Variants in DSCAML1 observed in about 807,000 individuals in gnomAD.
The protein encoded by DSCAML1 is cell adhesion molecule DSCAML1.
In DSCAML1, 38 loss-of-function variants were observed where a neutral mutation model predicts 200.5. That is an observed-to-expected ratio of 0.19 (90% CI 0.15 to 0.25). The LOEUF is 0.25. Among genes scored for constraint, DSCAML1 ranks in the 10% least tolerant of loss-of-function variants. The pLI is 1.00. For missense variants in DSCAML1, 2,223 were observed against 2,858.8 expected (o/e 0.78, Z 5.07); for synonymous variants, 1,215 against 1,165.0 (o/e 1.04, Z -0.87).
intron 11 of DSCAML1, among the ~76,000 whole-genome samples, chr11:117,486,168 G>A (rs2049045175): frequency 6.6e-6 from 1 of 152,200 alleles, no homozygotes; most frequent in Non-Finnish European, 1.5e-5. Flanking sequence ...CAGCGCAAGT[G>A]AATGCAATCA....
In DSCAML1 at chr11:117,530,715, T is replaced by C. The variant is rs1318690241; in HGVS notation, c.658+1661A>G. On this transcript the variant is annotated intron_variant, in intron 4 of 32. Transcript: ENST00000651296. The stretch of plus-strand genomic sequence containing the variant: ...TGGAAGTGGTCCTGGAGAGAGTCTC[T>C]GTGGGTCAGGGCAGAGCTCATCACC... Among the ~76,000 whole-genome samples, 3 of 152,072 alleles carry C rather than the reference T, an allele frequency of 2.0e-5. No homozygotes were observed. In the South Asian group the frequency reaches 6.2e-4, roughly 32 times the overall value.
intron 17 of DSCAML1, 56 bp from the exon 18 acceptor site, chr11:117,461,652 GTACAGCAAT>G (rs2048486081): frequency 6.4e-7 from 1 of 1,551,894 alleles, no homozygotes. Flanking sequence ...GTGAGTGACA[GTACAGCAAT>G]TGTGTCCCAG....
At chr11:117,760,302 C>T (rs1020420672) in intron 3 of DSCAML1, among the ~76,000 whole-genome samples, 11 of 152,186 alleles carry the variant, frequency 7.2e-5, no homozygotes, top group African/African-American at 2.7e-4. Flanking sequence ...ATTCTGAAAA[C>T]AGTTGTATTT....
intron 3 of DSCAML1, among the ~76,000 whole-genome samples, chr11:117,768,127 C>A (rs1418849174): frequency 2.0e-5 from 3 of 152,108 alleles, no homozygotes; most frequent in African/African-American, 7.2e-5. Context: ...ATTATTGAAC[C>A]AGGGCTTAAG....
At chr11:117,757,744 A>G (rs2054721324) in intron 3 of DSCAML1, among the ~76,000 whole-genome samples, 1 of 152,008 alleles carries the variant, frequency 6.6e-6, no homozygotes. Flanking sequence ...CACCTCAAGC[A>G]TTTTGAGAGG....
At chr11:117,798,486 C>G (rs906456794), upstream of DSCAML1, among the ~76,000 whole-genome samples, 1 of 152,196 alleles carries the variant, frequency 6.6e-6, no homozygotes, top group Non-Finnish European at 1.5e-5. Flanking sequence ...ACCATTTCAA[C>G]CATTTGAAGT....
chr11:117,656,758 C>A (rs12802995), intron 3 of DSCAML1, among the ~76,000 whole-genome samples: 3,924 of 152,268 alleles, frequency 0.026, 63 homozygotes, highest in African/African-American at 0.038. Flanking sequence ...CCCTGAAGAA[C>A]ACACATGAAG....
At chr11:117,673,380 C>G (rs534770138) in intron 3 of DSCAML1, among the ~76,000 whole-genome samples, 58 of 152,188 alleles carry the variant, frequency 3.8e-4, no homozygotes, top group Non-Finnish European at 7.5e-4. Context: ...AACCAGAAGA[C>G]AGTCAGCTCC....
Position 117,431,622 on chromosome 11 carries a change from G to A in DSCAML1, c.5286C>T (p.Leu1762=), listed in dbSNP as rs1250229347. ...AGCCCACGGTGCGCCAGTCGGAGGT[G>A]AGGGTGCGGGCAGGTGTGGAGGCCT... The part of the protein sequence containing the change: ...KCQASTPART[L]TSDWRTVGSQ... Residue 1762 remains leucine, a synonymous_variant, in exon 31 of 33, where the codon CTC becomes CTT. Transcript: ENST00000651296. 22 of 1,613,360 alleles carry A rather than the reference G, an allele frequency of 1.4e-5. No individual in the cohort carries two copies. The highest frequency in any genetic ancestry group is 2.2e-5 in the East Asian group (1 of 44,860).
intron 1 of DSCAML1, among the ~76,000 whole-genome samples, chr11:117,811,629 G>C (rs751017795): frequency 2.1e-4 from 32 of 152,316 alleles, no homozygotes; most frequent in Middle Eastern, 3.4e-3. Flanking sequence ...TGTCCCATCT[G>C]CGCGGGACCC....
At chr11:117,531,044 G>A (rs1465420187) in intron 4 of DSCAML1, among the ~76,000 whole-genome samples, 1 of 152,200 alleles carries the variant, frequency 6.6e-6, no homozygotes, top group African/African-American at 2.4e-5. Context: ...AGAGCGCCTT[G>A]CAACGAGCAT....
intron 3 of DSCAML1, among the ~76,000 whole-genome samples, chr11:117,681,791 TGG>T (rs551248799): frequency 2.5e-4 from 38 of 152,316 alleles, no homozygotes; most frequent in African/African-American, 9.1e-4. Flanking sequence ...ACTGTCTCCT[TGG>T]AAGTCCCTCC....
intron 3 of DSCAML1, among the ~76,000 whole-genome samples, chr11:117,535,933 T>C (rs1161469963): frequency 1.3e-5 from 2 of 151,120 alleles, no homozygotes; most frequent in Non-Finnish European, 3.0e-5. Context: ...GCCTTGATGG[T>C]TGTGGGGAGC....
chr11:117,763,764 T>G (rs1210546886), intron 3 of DSCAML1, among the ~76,000 whole-genome samples: 1 of 151,900 alleles, frequency 6.6e-6, no homozygotes, highest in Non-Finnish European at 1.5e-5. Context: ...AGGATCCTGA[T>G]CTAATTGTTC....
chr11:117,756,019 T>C (rs2054686012), intron 3 of DSCAML1, among the ~76,000 whole-genome samples: 1 of 152,246 alleles, frequency 6.6e-6, no homozygotes, highest in Admixed American at 6.5e-5. Context: ...AGTTTTCTTA[T>C]GATTAAATGT....
chr11:117,808,104 G>T (rs2055724778), intron 1 of DSCAML1, among the ~76,000 whole-genome samples: 1 of 152,218 alleles, frequency 6.6e-6, no homozygotes, highest in East Asian at 1.9e-4. Context: ...ACAGGCGTGA[G>T]CTACCGCGCC....
intron 3 of DSCAML1, among the ~76,000 whole-genome samples, chr11:117,717,635 TC>T (rs753605358): frequency 6.6e-6 from 1 of 152,188 alleles, no homozygotes; most frequent in Non-Finnish European, 1.5e-5. Flanking sequence ...CATGCCGTGT[TC>T]TAGGCTGGTG....
upstream of DSCAML1, among the ~76,000 whole-genome samples, chr11:117,799,045 A>G (rs1352298238): frequency 1.3e-5 from 2 of 152,116 alleles, no homozygotes; most frequent in African/African-American, 4.8e-5. Context: ...ACAGATAAGG[A>G]AACTGAGGCC....
rs779352043 is a variant in DSCAML1 at position 117,554,449 on chromosome 11, C to T, written c.512-21927G>A. 5.9e-5 allele frequency among the ~76,000 whole-genome samples: 9 copies of T among 152,200 alleles called. No individual in the cohort carries two copies. In the South Asian group the frequency reaches 6.2e-4, roughly 11 times the overall value. On this transcript the variant is annotated intron_variant, in intron 3 of 32. Coordinates refer to ENST00000651296, the MANE Select transcript of DSCAML1 (RefSeq NM_020693.4). ...AGGCTGGAGTGCGGTGGTGCGATCTCGGCTCACTGAAACCTCCGCCTCCTG... is the reference window on the plus strand; with the variant it reads ...AGGCTGGAGTGCGGTGGTGCGATCTTGGCTCACTGAAACCTCCGCCTCCTG...
Sources: allele counts gnomAD v4.1 joint callset (sites outside exome capture counted in the v4.1 genomes callset), GRCh38; gene constraint gnomAD v4.1.1; transcripts MANE v1.5; gene names NCBI Gene and HGNC (gene_info 2026-07-23, HGNC 2026-07-21).